Variants in GRIA1 observed in about 807,000 individuals in gnomAD.
GRIA1 encodes the protein glutamate receptor 1.
In GRIA1, 31 loss-of-function variants were observed where a neutral mutation model predicts 99.2. That is an observed-to-expected ratio of 0.31 (90% CI 0.23 to 0.42). The LOEUF is 0.42. Among genes scored for constraint, GRIA1 ranks in the 10% least tolerant of loss-of-function variants. The probability of loss-of-function intolerance (pLI) is 1.00; values close to 1 mark genes in which losing one functional copy is unlikely to be tolerated. For missense variants in GRIA1, 782 were observed against 1,157.5 expected (o/e 0.68, Z 4.71); for synonymous variants, 438 against 432.4 (o/e 1.01, Z -0.16).
chr5:153,718,338 A>G, intron 11 of GRIA1, among the ~76,000 whole-genome samples: 1 of 152,220 alleles, frequency 6.6e-6, no homozygotes, highest in East Asian at 1.9e-4. Context: ...ATGGAAAAGG[A>G]GAAACTTGGG....
At chr5:153,786,506 G>C (rs1764971013) in intron 13 of GRIA1, among the ~76,000 whole-genome samples, 1 of 151,452 alleles carries the variant, frequency 6.6e-6, no homozygotes, top group African/African-American at 2.4e-5. Context: ...CTTAAAGGAA[G>C]AGGTTTACAA....
chr5:153,780,620 TG>T lies in GRIA1; in HGVS notation c.2270+10206del, dbSNP rs543853317. Among the ~76,000 whole-genome samples, 6 of 152,376 alleles carry T rather than the reference TG, an allele frequency of 3.9e-5. No homozygotes were observed. The South Asian group carries it at 1.2e-3, about 32-fold the overall frequency. ...ACAAGTGTTAATTATCCTTATTTAA[TG>T]TCTTTGAAGCTTAATTTTCTCATCT... On this transcript the variant is annotated intron_variant, in intron 13 of 15. Coordinates refer to ENST00000285900, the MANE Select transcript of GRIA1 (RefSeq NM_000827.4).
At chr5:153,693,060 G>T (rs1332846585) in intron 8 of GRIA1, among the ~76,000 whole-genome samples, 1 of 152,168 alleles carries the variant, frequency 6.6e-6, no homozygotes, top group East Asian at 1.9e-4. Context: ...TAATGCAAAA[G>T]AAGCTTTTTT....
intron 11 of GRIA1, among the ~76,000 whole-genome samples, chr5:153,706,549 G>A (rs1007220398): frequency 8.5e-5 from 13 of 152,230 alleles, no homozygotes; most frequent in African/African-American, 3.1e-4. Context: ...TAGTAGGCAA[G>A]TGAGTTGAGA....
At chr5:153,780,607 T>C (rs543027408) in intron 13 of GRIA1, among the ~76,000 whole-genome samples, 2 of 152,252 alleles carry the variant, frequency 1.3e-5, no homozygotes, top group Non-Finnish European at 2.9e-5. Context: ...AAGTGTTAAT[T>C]ATCCTTATTT....
intron 5 of GRIA1, among the ~76,000 whole-genome samples, chr5:153,664,905 G>A (rs1473119511): frequency 6.6e-6 from 1 of 152,202 alleles, no homozygotes; most frequent in Non-Finnish European, 1.5e-5. Context: ...AGATGGGCAT[G>A]CTATGAGTAT....
At chr5:153,542,403 A>G (rs1561626510) in intron 2 of GRIA1, among the ~76,000 whole-genome samples, 1 of 152,188 alleles carries the variant, frequency 6.6e-6, no homozygotes, top group Non-Finnish European at 1.5e-5. Flanking sequence ...TGAAGGAATA[A>G]CATGCAAGCA....
At chr5:153,760,787 A>G (rs760243737) in intron 11 of GRIA1, among the ~76,000 whole-genome samples, 2 of 152,208 alleles carry the variant, frequency 1.3e-5, no homozygotes, top group African/African-American at 4.8e-5. Flanking sequence ...CTACAAAGCT[A>G]TAGTAACCAA....
chr5:153,806,187 A>T (rs538979214), intron 15 of GRIA1, among the ~76,000 whole-genome samples: 1 of 152,308 alleles, frequency 6.6e-6, no homozygotes, highest in African/African-American at 2.4e-5. Flanking sequence ...TGACATGGGC[A>T]TTTGATGAGA....
chr5:153,795,559 G>C, intron 14 of GRIA1: 1 of 1,612,434 alleles, frequency 6.2e-7, no homozygotes, highest in Non-Finnish European at 8.5e-7. Flanking sequence ...TACGATAAAG[G>C]GGAATGTGGA....
At chr5:153,640,309 G>A (rs1330619303) in intron 2 of GRIA1, among the ~76,000 whole-genome samples, 2 of 152,174 alleles carry the variant, frequency 1.3e-5, no homozygotes, top group Non-Finnish European at 1.5e-5. Context: ...TTCCAACTGG[G>A]CATCAGGGCC....
At chr5:153,719,570 G>A (rs551066846) in intron 11 of GRIA1, among the ~76,000 whole-genome samples, 3 of 152,058 alleles carry the variant, frequency 2.0e-5, no homozygotes, top group Non-Finnish European at 2.9e-5. Context: ...CTCACAGCAC[G>A]ATGGCTGGGT....
At chr5:153,710,177 G>T (rs1759207107) in intron 11 of GRIA1, among the ~76,000 whole-genome samples, 1 of 150,604 alleles carries the variant, frequency 6.6e-6, no homozygotes, top group Non-Finnish European at 1.5e-5. Flanking sequence ...GGTTGATGGT[G>T]AGATTAAAAA....
intron 11 of GRIA1, among the ~76,000 whole-genome samples, chr5:153,736,443 A>G (rs1761384517): frequency 1.3e-5 from 2 of 152,174 alleles, no homozygotes; most frequent in South Asian, 2.1e-4. Context: ...TGGGAAGGGA[A>G]CCTGGGCAGA....
chr5:153,506,590 A>G (rs768412627), intron 2 of GRIA1, among the ~76,000 whole-genome samples: 5 of 152,108 alleles, frequency 3.3e-5, no homozygotes, highest in Non-Finnish European at 5.9e-5. Context: ...CAGCATCCCT[A>G]ATCTATCTGG....
intron 11 of GRIA1, among the ~76,000 whole-genome samples, chr5:153,707,229 G>A (rs545530685): frequency 4.6e-5 from 7 of 152,242 alleles, no homozygotes; most frequent in African/African-American, 1.2e-4. Context: ...CATGGAATCA[G>A]AATGGCTCCA....
chr5:153,788,740 T>C (rs1765126531), intron 13 of GRIA1, among the ~76,000 whole-genome samples: 1 of 152,216 alleles, frequency 6.6e-6, no homozygotes, highest in Admixed American at 6.5e-5. Context: ...CATTAGTACA[T>C]ACCTAGGACC....
At chr5:153,761,672 T>C (rs556780582) in intron 11 of GRIA1, among the ~76,000 whole-genome samples, 1 of 152,236 alleles carries the variant, frequency 6.6e-6, no homozygotes, top group African/African-American at 2.4e-5. Flanking sequence ...TGAGTAAATA[T>C]ACAAAGGAAA....
intron 2 of GRIA1, among the ~76,000 whole-genome samples, chr5:153,612,392 G>A (rs1397490846): frequency 1.3e-5 from 2 of 152,204 alleles, no homozygotes; most frequent in African/African-American, 4.8e-5. Context: ...ATATGGGCTT[G>A]GAAATCAAAT....
Sources: allele counts gnomAD v4.1 joint callset (sites outside exome capture counted in the v4.1 genomes callset), GRCh38; gene constraint gnomAD v4.1.1; transcripts MANE v1.5; gene names NCBI Gene and HGNC (gene_info 2026-07-23, HGNC 2026-07-21).